TAFA5: variants seen among roughly 807,000 people sequenced by gnomAD.
TAFA5 encodes TAFA chemokine like family member 5, also known as chemokine-like protein TAFA-5.
TAFA5 carries 6 observed loss-of-function variants against 15.3 expected under a neutral mutation model. The ratio of observed to expected loss-of-function variants is 0.39; its 90% CI spans 0.21 to 0.77. TAFA5 has a LOEUF of 0.77. Among genes scored for constraint, TAFA5 ranks in the 30% least tolerant of loss-of-function variants. The probability of loss-of-function intolerance (pLI) is 0.41; values close to 1 mark genes in which losing one functional copy is unlikely to be tolerated. For synonymous variants in TAFA5, 103 were observed against 80.7 expected (o/e 1.28, Z -1.48); for missense variants, 161 against 193.1 (o/e 0.83, Z 0.98).
chr22:48,489,822 C>A lies in TAFA5; in HGVS notation c.112+118C>A. 1 of 529,532 alleles carries A rather than the reference C, an allele frequency of 1.9e-6. No homozygotes were observed. Among genetic ancestry groups the A allele is most frequent in the Non-Finnish European group, 3.0e-6 (1 of 333,514 alleles). 32.8% of individuals were successfully genotyped at this position (529,532 alleles called of 1,614,324 possible). A position where few individuals can be genotyped will look rare whatever the true frequency, so the allele number is the denominator to read the frequency against. ...TCGGCGCGGAGTTACGAGCGCCGGG[C>A]GCATGGTCCCCCGAGTCCCGGCCGG... is the stretch of plus-strand genomic sequence containing the variant. On this transcript the variant is annotated intron_variant, in intron 1 of 3. Coordinates refer to ENST00000402357, the MANE Select transcript of TAFA5 (RefSeq NM_001082967.3). The surrounding 1 kb of genome is among the most constrained non-coding windows in gnomAD (Gnocchi z 5.5).
chr22:48,671,454 C>A (rs1026244959), intron 2 of TAFA5, among the ~76,000 whole-genome samples: 3 of 152,148 alleles, frequency 2.0e-5, no homozygotes, highest in African/African-American at 7.2e-5. Context: ...GGGGTACGTT[C>A]CACTCTCTGT....
intron 2 of TAFA5, among the ~76,000 whole-genome samples, chr22:48,662,739 G>A (rs1927488741): frequency 6.6e-6 from 1 of 152,212 alleles, no homozygotes; most frequent in Non-Finnish European, 1.5e-5. Flanking sequence ...GTGTGGGAGT[G>A]TTGAGGTCAC....
chr22:48,549,354 G>A (rs1434503501), intron 1 of TAFA5, among the ~76,000 whole-genome samples: 1 of 152,250 alleles, frequency 6.6e-6, no homozygotes, highest in East Asian at 1.9e-4. Context: ...CAGGGACATG[G>A]AATCCATTCG....
intron 1 of TAFA5, among the ~76,000 whole-genome samples, chr22:48,613,931 C>A (rs1925502875): frequency 1.3e-5 from 2 of 152,188 alleles, no homozygotes; most frequent in African/African-American, 4.8e-5. Context: ...TGGCCGGTGG[C>A]CCTCAGCCCG....
At chr22:48,687,024 A>G (rs1202588560) in intron 2 of TAFA5, among the ~76,000 whole-genome samples, 1 of 148,618 alleles carries the variant, frequency 6.7e-6, no homozygotes, top group East Asian at 2.0e-4. Context: ...AAGTGGATGG[A>G]TGGATGGATT....
intron 2 of TAFA5, among the ~76,000 whole-genome samples, chr22:48,657,957 G>A (rs148296195): frequency 4.6e-4 from 70 of 152,262 alleles, no homozygotes; most frequent in Middle Eastern, 3.4e-3. Context: ...TAATAATGCC[G>A]CTTGCCTCAT....
At chr22:48,688,761 C>T (rs1928442758) in intron 2 of TAFA5, among the ~76,000 whole-genome samples, 1 of 152,178 alleles carries the variant, frequency 6.6e-6, no homozygotes, top group South Asian at 2.1e-4. Flanking sequence ...GAGGCCAAGG[C>T]TGGCGGATCA....
intron 2 of TAFA5, among the ~76,000 whole-genome samples, chr22:48,672,458 GA>G (rs997950879): frequency 4.0e-5 from 6 of 151,840 alleles, no homozygotes; most frequent in Admixed American, 1.3e-4. Flanking sequence ...TTTATCAGGG[GA>G]AAAAAAATGG....
At chr22:48,704,514 C>T (rs1224644293) in intron 2 of TAFA5, among the ~76,000 whole-genome samples, 1 of 152,194 alleles carries the variant, frequency 6.6e-6, no homozygotes, top group East Asian at 1.9e-4. Context: ...TCTCTCAGCG[C>T]TGTCCCTCGG....
chr22:48,600,434 T>C (rs542234191), intron 1 of TAFA5, among the ~76,000 whole-genome samples: 230 of 152,314 alleles, frequency 1.5e-3, no homozygotes, highest in Middle Eastern at 0.01. Flanking sequence ...GAGGCAGCCC[T>C]TGTGGCCACA....
intron 1 of TAFA5, among the ~76,000 whole-genome samples, chr22:48,611,062 T>C (rs1391813507): frequency 6.6e-6 from 1 of 152,100 alleles, no homozygotes; most frequent in Non-Finnish European, 1.5e-5. Context: ...GCCTCCCTAG[T>C]AGCTGGGATT....
intron 1 of TAFA5, among the ~76,000 whole-genome samples, chr22:48,589,851 C>CTTT (rs1482586912): frequency 1.3e-5 from 2 of 152,148 alleles, no homozygotes; most frequent in Admixed American, 6.5e-5. Flanking sequence ...TGATTTCCAA[C>CTTT]TTCTGCCCTC....
At position 48,591,416 on chromosome 22, in the gene TAFA5, C is replaced by T. The variant is rs534579636; in HGVS notation, c.113-55181C>T. Among the ~76,000 whole-genome samples, 6 of 152,242 alleles carry T rather than the reference C, an allele frequency of 3.9e-5. No homozygotes were observed. In the South Asian group the frequency reaches 6.2e-4, roughly 16 times the overall value. Reference sequence around the variant, plus strand: ...GTCCTGCCCGCTCTCCTCCCACCCCCGTGCGTCTGACCCCCAGGGCTTGCG... The same window carrying T: ...GTCCTGCCCGCTCTCCTCCCACCCCTGTGCGTCTGACCCCCAGGGCTTGCG... On this transcript the variant is annotated intron_variant, in intron 1 of 3. Transcript: ENST00000402357.
At chr22:48,551,729 C>T (rs1044029626) in intron 1 of TAFA5, among the ~76,000 whole-genome samples, 5 of 151,778 alleles carry the variant, frequency 3.3e-5, no homozygotes, top group African/African-American at 9.7e-5. Context: ...GGAGGGGAGA[C>T]GGGGGCTAAG....
intron 1 of TAFA5, among the ~76,000 whole-genome samples, chr22:48,638,965 CCA>C (rs1336826157): frequency 6.8e-6 from 1 of 148,044 alleles, no homozygotes; most frequent in African/African-American, 2.5e-5. Flanking sequence ...CCCTGGGACA[CCA>C]CACACAGGGG....
chr22:48,527,830 G>A (rs780075161), intron 1 of TAFA5, among the ~76,000 whole-genome samples: 2 of 152,218 alleles, frequency 1.3e-5, no homozygotes, highest in Non-Finnish European at 2.9e-5. Context: ...TGCCTGAGAT[G>A]CGCCGGGTGT....
intron 1 of TAFA5, among the ~76,000 whole-genome samples, chr22:48,601,776 C>T (rs1924982557): frequency 6.6e-6 from 1 of 152,212 alleles, no homozygotes; most frequent in Non-Finnish European, 1.5e-5. Context: ...CCTGCATGCA[C>T]ACACACCCCA....
chr22:48,671,296 G>C (rs1475375177), intron 2 of TAFA5, among the ~76,000 whole-genome samples: 1 of 152,246 alleles, frequency 6.6e-6, no homozygotes, highest in African/African-American at 2.4e-5. Flanking sequence ...GCACCGAACG[G>C]AGCCAAGTTG....
chr22:48,677,336 G>A (rs1456034139), intron 2 of TAFA5, among the ~76,000 whole-genome samples: 4 of 152,252 alleles, frequency 2.6e-5, no homozygotes, highest in East Asian at 1.9e-4. Context: ...TGGCTCGGAC[G>A]TCGGTTTCAG....
Sources: allele counts gnomAD v4.1 joint callset (sites outside exome capture counted in the v4.1 genomes callset), GRCh38; gene constraint gnomAD v4.1.1; non-coding constraint Gnocchi (gnomAD v3.1); transcripts MANE v1.5; gene names NCBI Gene and HGNC (gene_info 2026-07-23, HGNC 2026-07-21).